PCSK5: variants seen among roughly 807,000 people sequenced by gnomAD.
PCSK5 encodes the protein prohormone convertase 5.
A neutral mutation model predicts 233.2 loss-of-function variants in PCSK5; 129 were observed. The observed-to-expected ratio is 0.55, with a 90% CI of 0.48 to 0.64. The LOEUF (loss-of-function observed/expected upper bound fraction) is 0.64. PCSK5 is among the 30% of genes least tolerant of loss of function. PCSK5 has a pLI of 0.00. For synonymous variants in PCSK5, 825 were observed against 879.2 expected (o/e 0.94, Z 1.09); for missense variants, 2,076 against 2,430.1 (o/e 0.85, Z 3.06).
At chr9:75,892,110 C>T (rs1438907948) in intron 1 of PCSK5, among the ~76,000 whole-genome samples, 1 of 152,246 alleles carries the variant, frequency 6.6e-6, no homozygotes, top group East Asian at 1.9e-4. Flanking sequence ...GGAGTCTTAC[C>T]CCGGGACGGA....
At chr9:76,220,762 C>T (rs1261479067) in intron 20 of PCSK5, among the ~76,000 whole-genome samples, 2 of 151,944 alleles carry the variant, frequency 1.3e-5, no homozygotes, top group African/African-American at 4.8e-5. Context: ...ATTTTTTGTG[C>T]ATGATGAGAA....
At chr9:75,983,704 T>G (rs897481412) in intron 2 of PCSK5, among the ~76,000 whole-genome samples, 2 of 152,230 alleles carry the variant, frequency 1.3e-5, no homozygotes, top group African/African-American at 4.8e-5. Flanking sequence ...TCCCTTCTCT[T>G]AGGCTGACCA....
intron 5 of PCSK5, among the ~76,000 whole-genome samples, chr9:76,047,420 A>G (rs534352644): frequency 1.2e-4 from 19 of 152,100 alleles, no homozygotes; most frequent in Non-Finnish European, 1.8e-4. Context: ...TTCTATTATC[A>G]TATTGTATTC....
intron 3 of PCSK5, among the ~76,000 whole-genome samples, chr9:76,018,155 T>C (rs543681058): frequency 6.6e-6 from 1 of 152,264 alleles, no homozygotes; most frequent in South Asian, 2.1e-4. Flanking sequence ...GGACTAACCA[T>C]AGTGGGCTAT....
chr9:75,961,624 A>G (rs948684111), intron 2 of PCSK5, among the ~76,000 whole-genome samples: 5 of 152,250 alleles, frequency 3.3e-5, no homozygotes, highest in African/African-American at 1.2e-4. Context: ...ACCTATTTCA[A>G]CTGTCAATTT....
chr9:76,102,315 C>T (rs1831795877), intron 8 of PCSK5, among the ~76,000 whole-genome samples: 1 of 152,124 alleles, frequency 6.6e-6, no homozygotes, highest in African/African-American at 2.4e-5. Context: ...AAATATCTTC[C>T]TTGCAGTGTT....
intron 5 of PCSK5, among the ~76,000 whole-genome samples, chr9:76,037,274 G>A (rs1828896855): frequency 6.6e-6 from 1 of 152,152 alleles, no homozygotes; most frequent in South Asian, 2.1e-4. Context: ...TTCACATTTG[G>A]TCTGTTGGAG....
chr9:76,225,552 T>C (rs1297590062), intron 20 of PCSK5, among the ~76,000 whole-genome samples: 3 of 152,226 alleles, frequency 2.0e-5, no homozygotes, highest in Non-Finnish European at 2.9e-5. Flanking sequence ...CTCTTAATTT[T>C]GCTGGTACCT....
At chr9:75,917,234 A>G (rs531795036) in intron 1 of PCSK5, among the ~76,000 whole-genome samples, 2 of 152,244 alleles carry the variant, frequency 1.3e-5, no homozygotes, top group African/African-American at 2.4e-5. Context: ...TTGGTGTTAC[A>G]TAGGATAAGA....
intron 27 of PCSK5, among the ~76,000 whole-genome samples, chr9:76,299,435 G>A (rs1221428915): frequency 3.3e-5 from 5 of 152,132 alleles, no homozygotes; most frequent in South Asian, 4.1e-4. Context: ...TTGGGAGGCC[G>A]AGGCGGGTGG....
chr9:75,942,901 T>C (rs1454780188), intron 2 of PCSK5, among the ~76,000 whole-genome samples: 1 of 149,092 alleles, frequency 6.7e-6, no homozygotes, highest in Non-Finnish European at 1.5e-5. Flanking sequence ...TTTTTTTTTT[T>C]TGAGATGGAG....
At chr9:76,068,287 A>G (rs1320791509) in intron 6 of PCSK5, among the ~76,000 whole-genome samples, 2 of 152,186 alleles carry the variant, frequency 1.3e-5, no homozygotes, top group Non-Finnish European at 2.9e-5. Context: ...GACTTGAAAA[A>G]AATGTTATCT....
At chr9:76,013,720 G>T (rs947906002) in intron 3 of PCSK5, among the ~76,000 whole-genome samples, 1 of 152,082 alleles carries the variant, frequency 6.6e-6, no homozygotes, top group Non-Finnish European at 1.5e-5. Context: ...ATAACCTTGT[G>T]CTGCTTGATT....
intron 30 of PCSK5, among the ~76,000 whole-genome samples, chr9:76,319,992 A>G (rs1419246312): frequency 2.6e-5 from 4 of 152,110 alleles, no homozygotes; most frequent in African/African-American, 4.8e-5. Context: ...CACCTTGTCA[A>G]TCACTTAGAA....
At chr9:76,247,217 G>A (rs1826639233) in intron 24 of PCSK5, among the ~76,000 whole-genome samples, 1 of 152,242 alleles carries the variant, frequency 6.6e-6, no homozygotes, top group Non-Finnish European at 1.5e-5. Flanking sequence ...CGGCAGGTCT[G>A]TGACAGCGGC....
intron 20 of PCSK5, among the ~76,000 whole-genome samples, chr9:76,202,079 T>C (rs1045485569): frequency 1.3e-5 from 2 of 152,180 alleles, no homozygotes; most frequent in Non-Finnish European, 2.9e-5. Context: ...TTATTATATA[T>C]AGGAATATAA....
At position 76,275,349 on chromosome 9, in the gene PCSK5, C is replaced by T. The variant is rs17062331; in HGVS notation, c.3143-16884C>T. ...GACAACCCTAACTATAATAAGAATG[C>T]TCTGAATTTGCCCATTAAGCAAGAT... On this transcript the variant is annotated intron_variant, in intron 24 of 37. Transcript: ENST00000674117. 4.6e-3 allele frequency among the ~76,000 whole-genome samples: 695 copies of T among 152,244 alleles called. 4 individuals are homozygous for T. Among genetic ancestry groups the T allele is most frequent in the African/African-American group, 0.016 (649 of 41,532 alleles).
intron 24 of PCSK5, among the ~76,000 whole-genome samples, chr9:76,252,962 T>A (rs1317264225): frequency 2.0e-5 from 3 of 152,194 alleles, no homozygotes; most frequent in African/African-American, 7.2e-5. Flanking sequence ...ACTGGAACAT[T>A]TCCACATACT....
rs200793646 is a variant in PCSK5 at position 76,181,488 on chromosome 9, G to C, written c.2094G>C (p.Gly698=). Residue 698 remains glycine (G), a synonymous_variant, in exon 16 of 38, where the codon GGG becomes GGC. Transcript: ENST00000674117. ...KCAPNCESCF[G]SHGDQCMSCK... is the part of the protein sequence containing the mutation. ...CCCCCAACTGTGAGTCCTGCTTTGGGAGCCATGGTGACCAATGCATGTCCT... is the reference window on the plus strand; with the variant it reads ...CCCCCAACTGTGAGTCCTGCTTTGGCAGCCATGGTGACCAATGCATGTCCT... 1 of 1,614,028 alleles carries C rather than the reference G, an allele frequency of 6.2e-7. No homozygotes were observed. Among genetic ancestry groups the C allele is most frequent in the Non-Finnish European group, 8.5e-7 (1 of 1,179,918 alleles).
Sources: gnomAD v4.1 joint callset for allele counts (sites outside exome capture counted in the v4.1 genomes callset) on GRCh38, gnomAD v4.1.1 for gene constraint, MANE v1.5 for transcripts, NCBI Gene and HGNC (gene_info 2026-07-23, HGNC 2026-07-21) for gene names.